MAST4: variants seen among roughly 807,000 people sequenced by gnomAD.
MAST4 encodes microtubule associated serine/threonine kinase family member 4, also known as microtubule-associated serine/threonine-protein kinase 4.
A neutral mutation model predicts 162.7 loss-of-function variants in MAST4; 89 were observed. The observed-to-expected ratio is 0.55, with a 90% CI of 0.46 to 0.65. The LOEUF (loss-of-function observed/expected upper bound fraction) is 0.65. MAST4 is among the 30% of genes least tolerant of loss of function. MAST4 has a pLI of 0.00. For synonymous variants in MAST4, 1,479 were observed against 1,361.1 expected, an observed-to-expected ratio of 1.09 and a Z score of -1.91; for missense variants, 3,153 against 3,374.0, an observed-to-expected ratio of 0.93 and a Z score of 1.62.
Position 66,596,703 on chromosome 5 carries a change from C to T in MAST4, c.48C>T (p.Cys16=). ...CGCCAGAGCCGGTGCCCCGCGGCTG[C>T]AGTGGCCACGGCAGCCGGACTCCAG... The part of the protein sequence containing the change: ...SEAPEPVPRG[C]SGHGSRTPAS... The change falls in exon 1 of 29, where the codon TGC becomes TGT. Residue 16 remains cysteine (C), a synonymous_variant. Transcript: ENST00000403625. 6.8e-7 allele frequency: 1 copy of T among 1,466,760 alleles called. No individual in the cohort carries two copies. Among genetic ancestry groups the T allele is most frequent in the South Asian group, 1.4e-5 (1 of 70,988 alleles). The allele number at this position is 1,466,760 out of a possible 1,614,324, so 90.9% of individuals were successfully genotyped here.
At chr5:66,847,578 T>G (rs1222926981) in intron 3 of MAST4, among the ~76,000 whole-genome samples, 3 of 152,058 alleles carry the variant, frequency 2.0e-5, no homozygotes, top group Admixed American at 1.3e-4. Context: ...GAGGTTGCAG[T>G]GAGCTGAAAT....
intron 4 of MAST4, among the ~76,000 whole-genome samples, chr5:66,989,008 T>G (rs1749800708): frequency 6.6e-6 from 1 of 152,246 alleles, no homozygotes; most frequent in Admixed American, 6.5e-5. Flanking sequence ...GAAAATAATT[T>G]CTATTTTAGA....
At chr5:66,706,861 T>C (rs1310853354) in intron 1 of MAST4, among the ~76,000 whole-genome samples, 1 of 152,222 alleles carries the variant, frequency 6.6e-6, no homozygotes, top group African/African-American at 2.4e-5. Flanking sequence ...TAGGCCTCAT[T>C]AGAATGTTTA....
intron 3 of MAST4, among the ~76,000 whole-genome samples, chr5:66,835,903 C>T (rs1757934623): frequency 6.6e-6 from 1 of 152,096 alleles, no homozygotes; most frequent in Non-Finnish European, 1.5e-5. Context: ...GGTGCAGTGG[C>T]TCACACCTGT....
intron 3 of MAST4, among the ~76,000 whole-genome samples, chr5:66,879,505 C>CTTTGT (rs1388087584): frequency 7.9e-5 from 12 of 151,912 alleles, no homozygotes; most frequent in Non-Finnish European, 5.9e-5. Context: ...AGCTTGCTTT[C>CTTTGT]TTTGTTTTGT....
intron 1 of MAST4, among the ~76,000 whole-genome samples, chr5:66,673,379 T>G (rs528977353): frequency 4.6e-5 from 7 of 151,922 alleles, no homozygotes; most frequent in African/African-American, 1.7e-4. Context: ...TGTTGTTAGA[T>G]GTTCTAAAGG....
intron 1 of MAST4, among the ~76,000 whole-genome samples, chr5:66,707,828 G>A (rs1449601195): frequency 3.3e-5 from 5 of 152,068 alleles, no homozygotes; most frequent in Non-Finnish European, 1.5e-5. Context: ...AAGGGCAGGG[G>A]TGTGTGCTGT....
At chr5:66,978,580 G>A (rs564550466) in intron 4 of MAST4, among the ~76,000 whole-genome samples, 28 of 152,278 alleles carry the variant, frequency 1.8e-4, no homozygotes, top group African/African-American at 6.5e-4. Flanking sequence ...TGAGAATTTA[G>A]GATCAGGATT....
At chr5:66,782,289 C>CAA (rs573328157) in intron 2 of MAST4, among the ~76,000 whole-genome samples, 70 of 92,618 alleles carry the variant, frequency 7.6e-4, no homozygotes, top group South Asian at 3.4e-3. Flanking sequence ...GACTTCGTCT[C>CAA]AAAAAAAAAA....
intron 4 of MAST4, among the ~76,000 whole-genome samples, chr5:66,920,640 G>T (rs574608428): frequency 6.6e-6 from 1 of 151,984 alleles, no homozygotes; most frequent in African/African-American, 2.4e-5. Context: ...ACAGGCATGC[G>T]CCACCATGCC....
chr5:66,718,981 C>G (rs1038504025), intron 1 of MAST4, among the ~76,000 whole-genome samples: 1 of 152,214 alleles, frequency 6.6e-6, no homozygotes, highest in Non-Finnish European at 1.5e-5. Flanking sequence ...TAACACCAAG[C>G]AGAGTTATAC....
At chr5:66,830,607 C>A (rs2149756182) in intron 3 of MAST4, among the ~76,000 whole-genome samples, 1 of 152,232 alleles carries the variant, frequency 6.6e-6, no homozygotes, top group Admixed American at 6.5e-5. Flanking sequence ...CATAAAAGTG[C>A]TTGAAAGTTC....
At chr5:66,657,258 T>C (rs1392413223) in intron 1 of MAST4, among the ~76,000 whole-genome samples, 1 of 152,198 alleles carries the variant, frequency 6.6e-6, no homozygotes, top group Non-Finnish European at 1.5e-5. Flanking sequence ...GCCTATCTAG[T>C]TTACTGAGAG....
chr5:67,130,866 T>C (rs1768885985), intron 15 of MAST4, among the ~76,000 whole-genome samples: 1 of 152,178 alleles, frequency 6.6e-6, no homozygotes, highest in African/African-American at 2.4e-5. Context: ...TTCCCGATTT[T>C]TAGCTTTTTT....
intron 3 of MAST4, among the ~76,000 whole-genome samples, chr5:66,840,878 C>T (rs530220957): frequency 3.9e-5 from 6 of 152,170 alleles, no homozygotes; most frequent in Middle Eastern, 3.4e-3. Context: ...CACTAAGTTT[C>T]GTAATGAGTT....
chr5:66,733,905 G>T (rs953603560), intron 1 of MAST4, among the ~76,000 whole-genome samples: 2 of 152,050 alleles, frequency 1.3e-5, no homozygotes, highest in Non-Finnish European at 2.9e-5. Flanking sequence ...AGTATGGTTT[G>T]CAGTTAAATA....
chr5:67,121,213 C>A, intron 14 of MAST4, 111 bp downstream of exon 14: 1 of 772,488 alleles, frequency 1.3e-6, no homozygotes, highest in Non-Finnish European at 2.1e-6. Flanking sequence ...CTTGACTTTT[C>A]AGATCACTGC....
At chr5:67,145,874 G>A (rs1771021616) in intron 23 of MAST4, among the ~76,000 whole-genome samples, 1 of 152,134 alleles carries the variant, frequency 6.6e-6, no homozygotes, top group Non-Finnish European at 1.5e-5. Flanking sequence ...TTGTTTCTTT[G>A]ATGGAGTTGG....
rs139739445 is a variant in MAST4 at position 67,041,171 on chromosome 5, G to A, written c.675-13233G>A. Among the ~76,000 whole-genome samples the A allele has an allele frequency of 1.6e-3, 243 of 152,274 alleles. 6 individuals are homozygous for A. The highest frequency in any genetic ancestry group is 5.7e-3 in the African/African-American group (236 of 41,560). The stretch of plus-strand genomic sequence containing the variant: ...AGAGCAAGATTGGGCTGATGTGCAC[G>A]GTTTTGACAGTTGTTCCAAAGCACT... On this transcript the variant is annotated intron_variant, in intron 4 of 28. Coordinates refer to ENST00000403625, the MANE Select transcript of MAST4 (RefSeq NM_001164664.2).
Sources: gnomAD v4.1 joint callset for allele counts (sites outside exome capture counted in the v4.1 genomes callset) on GRCh38, gnomAD v4.1.1 for gene constraint, MANE v1.5 for transcripts, NCBI Gene and HGNC (gene_info 2026-07-23, HGNC 2026-07-21) for gene names.